Variants in KCNK18 observed in about 807,000 individuals in gnomAD.
KCNK18 encodes the protein potassium channel subfamily K member 18.
Under a neutral mutation model 11.8 loss-of-function variants are expected in KCNK18, and 8 were observed. The observed-to-expected ratio is 0.68, with a 90% CI of 0.40 to 1.22. The LOEUF is 1.22. Ranked by LOEUF, KCNK18 falls within the 50% of genes most tolerant of loss-of-function variation. The probability of loss-of-function intolerance (pLI) is 0.01; values close to 1 mark genes in which losing one functional copy is unlikely to be tolerated. For missense variants in KCNK18, 442 were observed against 465.4 expected (o/e 0.95, Z 0.46); for synonymous variants, 208 against 185.8 (o/e 1.12, Z -0.97).
intron 2 of KCNK18, 93 bp downstream of exon 2, chr10:117,201,380 C>T (rs924845745): frequency 8.0e-6 from 10 of 1,242,726 alleles, no homozygotes; most frequent in Non-Finnish European, 1.2e-5. Context: ...GTGGAGATGG[C>T]CCTCCTCTCC....
intron 2 of KCNK18, among the ~76,000 whole-genome samples, chr10:117,204,778 T>C (rs1855057760): frequency 6.6e-6 from 1 of 152,122 alleles, no homozygotes; most frequent in Non-Finnish European, 1.5e-5. Flanking sequence ...TTTTGCAAGC[T>C]CCCATGTGTG....
Position 117,210,040 on chromosome 10 carries a change from C to T in KCNK18, c.896C>T (p.Ala299Val). 6.2e-7 allele frequency: 1 copy of T among 1,614,224 alleles called. No homozygotes were observed. The highest frequency in any genetic ancestry group is 8.5e-7 in the Non-Finnish European group (1 of 1,180,036). ...IVFAYISCAA[A>V]ILPFWETQLD... is the part of the protein sequence containing the mutation. The stretch of plus-strand genomic sequence containing the variant: ...TTTGCCTACATTTCCTGTGCAGCTG[C>T]CATCCTCCCCTTCTGGGAGACACAG... The change falls in exon 3 of 3, where the codon GCC becomes GTC. Residue 299 changes from alanine to valine, a missense_variant. Coordinates refer to ENST00000334549, the MANE Select transcript of KCNK18 (RefSeq NM_181840.1).
intron 1 of KCNK18, among the ~76,000 whole-genome samples, chr10:117,198,823 C>T (rs1854980927): frequency 6.6e-6 from 1 of 152,178 alleles, no homozygotes; most frequent in Admixed American, 6.5e-5. Context: ...AGACAGACGC[C>T]AGCCTGCTCA....
In KCNK18 at chr10:117,209,395, G is replaced by A. The variant is rs149726936; in HGVS notation, c.353-102G>A. On this transcript the variant is annotated intron_variant, in intron 2 of 2. Coordinates refer to ENST00000334549, the MANE Select transcript of KCNK18 (RefSeq NM_181840.1). The stretch of plus-strand genomic sequence containing the variant: ...TATTTTCAAAAACAATGTGTAAAAT[G>A]TCATGCCAAGGAGGGGAGATGGCAG... 113 of 949,884 alleles carry A rather than the reference G, an allele frequency of 1.2e-4. No homozygotes were observed. The East Asian group carries it at 2.5e-3, about 21-fold the overall frequency. 58.8% of individuals were successfully genotyped at this position (949,884 alleles called of 1,614,324 possible).
Position 117,209,620 on chromosome 10 carries a change from T to C in KCNK18, c.476T>C (p.Leu159Ser), listed in dbSNP as rs758520238. ...ACAGGCGACATCCTGGCAACCATCT[T>C]ATCTACATCTTATAATCGGTTCCGA... ...TDTGDILATI[L>S]STSYNRFRKF... Residue 159 changes from leucine to serine, a missense_variant, in exon 3 of 3, where the codon TTA becomes TCA. Transcript: ENST00000334549. 1.2e-5 allele frequency: 19 copies of C among 1,614,084 alleles called. No homozygotes were observed. Among genetic ancestry groups the C allele is most frequent in the Non-Finnish European group, 1.3e-5 (15 of 1,180,036 alleles).
intron 2 of KCNK18, among the ~76,000 whole-genome samples, chr10:117,208,705 A>G (rs1855106031): frequency 1.3e-5 from 2 of 151,940 alleles, no homozygotes; most frequent in Admixed American, 1.3e-4. Context: ...GCCTCTTAGA[A>G]ACAAAGAGCT....
chr10:117,210,203 T>C lies in KCNK18; in HGVS notation c.1059T>C (p.Ile353=). The C allele has an allele frequency of 8.7e-6, 14 of 1,614,226 alleles. No individual in the cohort carries two copies. Among genetic ancestry groups the C allele is most frequent in the Non-Finnish European group, 1.2e-5 (14 of 1,180,022 alleles). ...YIIVGMEIVF[I]AFKLVQNRLI... is the part of the protein sequence containing the mutation. ...TCGTTGGAATGGAGATTGTGTTCATTGCTTTCAAGTTGGTGCAAAACAGGC... is the reference window on the plus strand; with the variant it reads ...TCGTTGGAATGGAGATTGTGTTCATCGCTTTCAAGTTGGTGCAAAACAGGC... Residue 353 remains isoleucine (I), a synonymous_variant, in exon 3 of 3, where the codon ATT becomes ATC. Transcript: ENST00000334549.
In KCNK18 at chr10:117,209,842, C is replaced by A. The variant is rs363360; in HGVS notation, c.698C>A (p.Ala233Glu). The A allele has an allele frequency of 1.9e-3, 3,064 of 1,614,108 alleles. 54 individuals carry two copies. The African/African-American group carries it at 0.033, about 18-fold the overall frequency. Residue 233 changes from alanine (A) to glutamate (E), a missense_variant, in exon 3 of 3, where the codon GCG becomes GAG. Coordinates refer to ENST00000334549, the MANE Select transcript of KCNK18 (RefSeq NM_181840.1). ...ATGGAGCTGTTTGAGAGATCTCATG[C>A]GCTAGAGAAACAGAACACACTGCAA... ...CSMELFERSH[A>E]LEKQNTLQLP...
intron 2 of KCNK18, among the ~76,000 whole-genome samples, chr10:117,207,628 G>T (rs144825461): frequency 6.6e-6 from 1 of 152,312 alleles, no homozygotes; most frequent in Non-Finnish European, 1.5e-5. Context: ...AGCCAGAGTG[G>T]CATGGAGTGC....
At chr10:117,200,484 G>A (rs867033999) in intron 1 of KCNK18, among the ~76,000 whole-genome samples, 1 of 152,142 alleles carries the variant, frequency 6.6e-6, no homozygotes, top group South Asian at 2.1e-4. Flanking sequence ...AACCCTGTGT[G>A]AGAGGCAGAG....
chr10:117,203,578 C>T (rs951435962), intron 2 of KCNK18, among the ~76,000 whole-genome samples: 1 of 152,210 alleles, frequency 6.6e-6, no homozygotes, highest in Non-Finnish European at 1.5e-5. Flanking sequence ...CTTGCTCTGT[C>T]GCCCAGACTG....
rs750157980 is a variant in KCNK18, at chr10:117,202,885, G to GTTTTTTTTTTTTTTTTTTTTT, written c.352+1598_352+1599insTTTTTTTTTTTTTTTTTTTTT. 1.3e-4 allele frequency among the ~76,000 whole-genome samples: 15 copies of GTTTTTTTTTTTTTTTTTTTTT among 111,292 alleles called. 6 individuals carry two copies. Among genetic ancestry groups the GTTTTTTTTTTTTTTTTTTTTT allele is most frequent in the Non-Finnish European group, 1.6e-4 (9 of 57,274 alleles). The allele number at this position is 111,292 out of a possible 152,430, so 73.0% of individuals were successfully genotyped here. On this transcript the variant is annotated intron_variant, in intron 2 of 2. Coordinates refer to ENST00000334549, the MANE Select transcript of KCNK18 (RefSeq NM_181840.1). ...CGTGGTTTCTCCCATTTGCCTGAAT[G>GTTTTTTTTTTTTTTTTTTTTT]CTTTTTTTTTTTTTTTTTTTTTTGA... is the stretch of plus-strand genomic sequence containing the variant.
rs547078514 is a variant in KCNK18, at chr10:117,209,664, C to T, written c.520C>T (p.Arg174Cys). ...GTTCCGAAAATTCCCTTTCTTTACC[C>T]GCCCCCTCCTCTCCAAGTGGTGCCC... ...NRFRKFPFFT[R>C]PLLSKWCPKS... is the part of the protein sequence containing the mutation. The change falls in exon 3 of 3, where the codon CGC becomes TGC. Residue 174 changes from arginine (R) to cysteine (C), a missense_variant. Physicochemically the swap from Arg to Cys is radical, Grantham distance 180. Transcript: ENST00000334549. The T allele has an allele frequency of 1.9e-5, 31 of 1,614,072 alleles. No individual in the cohort carries two copies. Among genetic ancestry groups the T allele is most frequent in the South Asian group, 1.2e-4 (11 of 91,070 alleles).
intron 2 of KCNK18, among the ~76,000 whole-genome samples, chr10:117,205,608 T>TA (rs976810727): frequency 6.6e-6 from 1 of 152,202 alleles, no homozygotes; most frequent in African/African-American, 2.4e-5. Flanking sequence ...TGCCAGTCCC[T>TA]ACAGGTCTCT....
intron 2 of KCNK18, among the ~76,000 whole-genome samples, chr10:117,207,873 T>C (rs772182376): frequency 2.0e-5 from 3 of 152,212 alleles, no homozygotes; most frequent in Admixed American, 6.5e-5. Flanking sequence ...GTATTAATCA[T>C]CCTTTATGAC....
intron 1 of KCNK18, among the ~76,000 whole-genome samples, chr10:117,199,088 T>C (rs1818736477): frequency 6.6e-6 from 1 of 152,004 alleles, no homozygotes; most frequent in Non-Finnish European, 1.5e-5. Context: ...GAGGCCAAGG[T>C]GGGAGAATCA....
intron 2 of KCNK18, among the ~76,000 whole-genome samples, chr10:117,205,594 T>C (rs1855065775): frequency 6.6e-6 from 1 of 152,158 alleles, no homozygotes; most frequent in Non-Finnish European, 1.5e-5. Flanking sequence ...CCTGCTGAGA[T>C]TTCTGCCAGT....
At chr10:117,208,972 C>T (rs1056732513) in intron 2 of KCNK18, among the ~76,000 whole-genome samples, 2 of 152,134 alleles carry the variant, frequency 1.3e-5, no homozygotes, top group Admixed American at 1.3e-4. Context: ...AACTCCTGAC[C>T]TCAGGTGACC....
In KCNK18 at chr10:117,209,665, G is replaced by A. The variant is rs139101102; in HGVS notation, c.521G>A (p.Arg174His). 2.4e-5 allele frequency: 39 copies of A among 1,611,366 alleles called. No homozygotes were observed. The highest frequency in any genetic ancestry group is 2.9e-5 in the Non-Finnish European group (34 of 1,178,224). Residue 174 changes from arginine (R) to histidine (H), a missense_variant, in exon 3 of 3, where the codon CGC becomes CAC. Transcript: ENST00000334549. ...TTCCGAAAATTCCCTTTCTTTACCC[G>A]CCCCCTCCTCTCCAAGTGGTGCCCC... Reference protein sequence around the residue: ...NRFRKFPFFTRPLLSKWCPKS... With the variant: ...NRFRKFPFFTHPLLSKWCPKS...
Sources: allele counts gnomAD v4.1 joint callset (sites outside exome capture counted in the v4.1 genomes callset), GRCh38; gene constraint gnomAD v4.1.1; transcripts MANE v1.5; gene names NCBI Gene and HGNC (gene_info 2026-07-23, HGNC 2026-07-21).